The following SCRG1 variants were observed in gnomAD, a reference collection of about 807,000 sequenced individuals.
SCRG1 encodes scrapie-responsive protein 1.
SCRG1 carries 3 observed loss-of-function variants against 7.7 expected under a neutral mutation model. That is an observed-to-expected ratio of 0.39 (90% CI 0.18 to 1.01). The LOEUF (loss-of-function observed/expected upper bound fraction) is 1.01, where lower values mean the gene tolerates loss of function less well. Among genes scored for constraint, SCRG1 ranks in the 50% least tolerant of loss-of-function variants. The pLI, the probability that SCRG1 is intolerant of heterozygous loss-of-function variation, is 0.36. For missense variants in SCRG1, 110 were observed against 117.2 expected, an observed-to-expected ratio of 0.94 and a Z score of 0.28; for synonymous variants, 46 against 41.2, an observed-to-expected ratio of 1.12 and a Z score of -0.44.
At chr4:173,444,307 G>A in the SCRG1 span, among the ~76,000 whole-genome samples, 2 of 152,092 alleles carry the variant, frequency 1.3e-5, no homozygotes, top group Non-Finnish European at 2.9e-5. Context: ...ACTCTATCTT[G>A]TAGTAGTCAT....
the SCRG1 span, among the ~76,000 whole-genome samples, chr4:173,490,289 C>T: frequency 1.3e-5 from 2 of 152,184 alleles, no homozygotes; most frequent in African/African-American, 4.8e-5. Context: ...AAAACCTATT[C>T]TTTTAAAAGC....
chr4:173,397,969 A>C (rs1739651547), intron 1 of SCRG1, among the ~76,000 whole-genome samples: 1 of 152,248 alleles, frequency 6.6e-6, no homozygotes, highest in Non-Finnish European at 1.5e-5. Flanking sequence ...AAATATCAAA[A>C]TTATAGTTGG....
the SCRG1 span, among the ~76,000 whole-genome samples, chr4:173,440,493 T>C: frequency 6.6e-6 from 1 of 152,210 alleles, no homozygotes; most frequent in East Asian, 1.9e-4. Context: ...ACAGATAGTG[T>C]GTTAGGTGCT....
chr4:173,479,500 G>A, the SCRG1 span, among the ~76,000 whole-genome samples: 1 of 149,246 alleles, frequency 6.7e-6, no homozygotes, highest in Non-Finnish European at 1.5e-5. Context: ...GAGTGCAGTG[G>A]CATGATCTAG....
the SCRG1 span, among the ~76,000 whole-genome samples, chr4:173,485,925 G>T: frequency 6.6e-6 from 1 of 152,132 alleles, no homozygotes; most frequent in Non-Finnish European, 1.5e-5. Context: ...AGCCGAGATT[G>T]TGCCACCGCA....
chr4:173,426,696 T>C, the SCRG1 span, among the ~76,000 whole-genome samples: 1 of 152,222 alleles, frequency 6.6e-6, no homozygotes, highest in African/African-American at 2.4e-5. Context: ...CTTGAACTCC[T>C]GGGCTCAAGC....
chr4:173,421,558 G>T, the SCRG1 span, among the ~76,000 whole-genome samples: 1 of 152,174 alleles, frequency 6.6e-6, no homozygotes, highest in Non-Finnish European at 1.5e-5. Flanking sequence ...TGGATGGAGA[G>T]CTAGGACGAG....
intron 1 of SCRG1, 85 bp from the exon 2 acceptor site, chr4:173,391,513 T>C: frequency 1.5e-6 from 2 of 1,379,132 alleles, no homozygotes; most frequent in Non-Finnish European, 2.0e-6. Flanking sequence ...AGCATGCTTA[T>C]AAACCCTTGG....
chr4:173,512,332 A>G, the SCRG1 span, among the ~76,000 whole-genome samples: 5 of 152,352 alleles, frequency 3.3e-5, no homozygotes, highest in African/African-American at 1.2e-4. Flanking sequence ...AAATCTGTTC[A>G]GAGGAAATGA....
chr4:173,439,840 G>A, the SCRG1 span, among the ~76,000 whole-genome samples: 1 of 152,252 alleles, frequency 6.6e-6, no homozygotes, highest in African/African-American at 2.4e-5. Flanking sequence ...AGGGAATGAT[G>A]TGCTTAATGA....
Position 173,391,485 on chromosome 4 carries a change from A to G in SCRG1, c.-14-57T>C, listed in dbSNP as rs181816964. ...TGTTTGTTTTTTAAAGATAGAATTC[A>G]TCTGAATGAAGTTCTGTAGCATGCT... On this transcript the variant is annotated intron_variant, in intron 1 of 2. Coordinates refer to ENST00000296506, the MANE Select transcript of SCRG1 (RefSeq NM_007281.4). 2.8e-5 allele frequency: 44 copies of G among 1,563,320 alleles called. No homozygotes were observed. In the Admixed American group the frequency reaches 4.1e-4, roughly 14 times the overall value.
At chr4:173,467,991 G>A in the SCRG1 span, 37 of 152,636 alleles carry the variant, frequency 2.4e-4, 1 homozygote, top group East Asian at 4.8e-3. Flanking sequence ...TAGTGACTCC[G>A]TATATATTTT....
chr4:173,518,154 G>A, the SCRG1 span, among the ~76,000 whole-genome samples: 1 of 152,174 alleles, frequency 6.6e-6, no homozygotes, highest in African/African-American at 2.4e-5. Context: ...TCGCCCGCAG[G>A]AACACTCCAA....
At chr4:173,483,258 TATATCATATATG>T in the SCRG1 span, among the ~76,000 whole-genome samples, 1 of 66,314 alleles carries the variant, frequency 1.5e-5, no homozygotes, top group African/African-American at 6.2e-5. Context: ...TCATATATGA[TATATCATATATG>T]ATATATAATA....
chr4:173,484,460 A>T, the SCRG1 span, among the ~76,000 whole-genome samples: 1 of 19,448 alleles, frequency 5.1e-5, no homozygotes, highest in South Asian at 1.2e-3. Context: ...TATATATTAT[A>T]TACATATAAT....
At chr4:173,486,163 AG>A in the SCRG1 span, among the ~76,000 whole-genome samples, 78 of 152,150 alleles carry the variant, frequency 5.1e-4, no homozygotes, top group African/African-American at 1.8e-3. Flanking sequence ...CTCTTGAAAA[AG>A]TATGTTGGGC....
At chr4:173,418,160 C>T in the SCRG1 span, among the ~76,000 whole-genome samples, 1 of 152,228 alleles carries the variant, frequency 6.6e-6, no homozygotes, top group Non-Finnish European at 1.5e-5. Flanking sequence ...CTCATTCCTT[C>T]CTTGCCTTTT....
intron 1 of SCRG1, among the ~76,000 whole-genome samples, chr4:173,397,789 A>G (rs1201461511): frequency 6.6e-6 from 1 of 152,218 alleles, no homozygotes. Flanking sequence ...ATGCTCATAC[A>G]GGCAGCTGAT....
chr4:173,489,503 G>A, the SCRG1 span, among the ~76,000 whole-genome samples: 7 of 133,768 alleles, frequency 5.2e-5, no homozygotes, highest in South Asian at 2.6e-4. Context: ...CATATGCTGC[G>A]TTTCTAATTT....
Sources: allele counts gnomAD v4.1 joint callset (sites outside exome capture counted in the v4.1 genomes callset), GRCh38; gene constraint gnomAD v4.1.1; transcripts MANE v1.5; gene names NCBI Gene and HGNC (gene_info 2026-07-23, HGNC 2026-07-21).